NIBAN1: variants seen among roughly 807,000 people sequenced by gnomAD.
NIBAN1 encodes the protein niban apoptosis regulator 1, also known as protein Niban 1.
NIBAN1 carries 81 observed loss-of-function variants against 75.1 expected under a neutral mutation model. That is an observed-to-expected ratio of 1.08 (90% CI 0.90 to 1.30). The LOEUF is 1.30. Ranked by LOEUF, NIBAN1 falls within the 50% of genes most tolerant of loss-of-function variation. The pLI is 0.00. For missense variants in NIBAN1, 1,133 were observed against 1,128.1 expected (o/e 1.00, Z -0.06); for synonymous variants, 436 against 424.8 (o/e 1.03, Z -0.32).
intron 1 of NIBAN1, among the ~76,000 whole-genome samples, chr1:184,938,711 A>G (rs981421693): frequency 6.6e-6 from 1 of 152,250 alleles, no homozygotes; most frequent in Admixed American, 6.5e-5. Context: ...TTCTCAAGTT[A>G]AAGTGTACTT....
intron 5 of NIBAN1, among the ~76,000 whole-genome samples, chr1:184,880,678 T>C (rs1257375434): frequency 6.6e-6 from 1 of 152,256 alleles, no homozygotes; most frequent in Non-Finnish European, 1.5e-5. Flanking sequence ...GCATCGATAA[T>C]GATCATTATT....
At chr1:184,833,747 G>C (rs1484139672) in intron 5 of NIBAN1, among the ~76,000 whole-genome samples, 1 of 151,374 alleles carries the variant, frequency 6.6e-6, no homozygotes, top group Non-Finnish European at 1.5e-5. Context: ...AAACGAATAT[G>C]GAACAGTAAC....
chr1:184,868,630 C>T (rs749537668), intron 5 of NIBAN1: 2 of 152,206 alleles, frequency 1.3e-5, no homozygotes, highest in Non-Finnish European at 2.9e-5. Context: ...GATGTAGCAG[C>T]TCATGTCCCT....
chr1:184,906,086 A>T (rs562351882), intron 1 of NIBAN1, among the ~76,000 whole-genome samples: 253 of 151,896 alleles, frequency 1.7e-3, no homozygotes, highest in Non-Finnish European at 1.9e-3. Context: ...AAAAAAAATT[A>T]AAAAATTAGC....
intron 6 of NIBAN1, among the ~76,000 whole-genome samples, chr1:184,824,784 G>C (rs769198497): frequency 6.6e-6 from 1 of 151,558 alleles, no homozygotes; most frequent in East Asian, 1.9e-4. Flanking sequence ...TCATTTTTTC[G>C]GGGGGAAGGG....
At chr1:184,879,723 A>G (rs979547443) in intron 5 of NIBAN1, among the ~76,000 whole-genome samples, 16 of 152,208 alleles carry the variant, frequency 1.1e-4, no homozygotes, top group Admixed American at 9.2e-4. Context: ...TCAAAATCAA[A>G]TCTAATAAAG....
In NIBAN1 at chr1:184,794,821, A is replaced by C. The variant is rs1276672692; in HGVS notation, c.*156T>G. The C allele has an allele frequency of 3.3e-6, 3 of 916,610 alleles. No homozygotes were observed. The East Asian group carries it at 7.8e-5, about 24-fold the overall frequency. 56.8% of individuals were successfully genotyped at this position (916,610 alleles called of 1,614,324 possible). A position where few individuals can be genotyped will look rare whatever the true frequency, so the allele number is the denominator to read the frequency against. On this transcript the variant is annotated 3_prime_UTR_variant, in exon 14 of 14. Transcript: ENST00000367511. ...ATTCATGTCCACAAAGGTTTGCCTCAGTTGCTCATGCCCTGTATGCATTTC... is the reference window on the plus strand; with the variant it reads ...ATTCATGTCCACAAAGGTTTGCCTCCGTTGCTCATGCCCTGTATGCATTTC...
At chr1:184,858,903 T>C (rs1248649295) in intron 5 of NIBAN1, among the ~76,000 whole-genome samples, 1 of 151,806 alleles carries the variant, frequency 6.6e-6, no homozygotes, top group Non-Finnish European at 1.5e-5. Context: ...TGAGACCCTG[T>C]TGAGTGAAAA....
chr1:184,861,526 G>C (rs986664991), intron 5 of NIBAN1, among the ~76,000 whole-genome samples: 1 of 150,976 alleles, frequency 6.6e-6, no homozygotes. Context: ...GGGGGAAGAG[G>C]AGGGAGGAAG....
intron 9 of NIBAN1, among the ~76,000 whole-genome samples, chr1:184,813,239 T>G (rs962464681): frequency 2.6e-5 from 4 of 152,218 alleles, no homozygotes; most frequent in African/African-American, 9.6e-5. Context: ...GTGTTGTGTG[T>G]AATGTTTATA....
chr1:184,921,157 C>T (rs924768056), intron 1 of NIBAN1, among the ~76,000 whole-genome samples: 9 of 149,448 alleles, frequency 6.0e-5, no homozygotes, highest in Admixed American at 3.3e-4. Context: ...ATTAGCCGGG[C>T]GTGGTGGCAC....
chr1:184,856,097 T>C (rs960700638), intron 5 of NIBAN1, among the ~76,000 whole-genome samples: 1 of 152,232 alleles, frequency 6.6e-6, no homozygotes, highest in South Asian at 2.1e-4. Flanking sequence ...CTTATTCCCA[T>C]ATTTTTCTAG....
At chr1:184,872,575 T>C (rs1335733697) in intron 5 of NIBAN1, among the ~76,000 whole-genome samples, 4 of 151,950 alleles carry the variant, frequency 2.6e-5, no homozygotes, top group African/African-American at 7.2e-5. Flanking sequence ...GGCATGGTGG[T>C]ATACCCCTGT....
At chr1:184,879,997 C>G (rs923320750) in intron 5 of NIBAN1, among the ~76,000 whole-genome samples, 1 of 152,222 alleles carries the variant, frequency 6.6e-6, no homozygotes, top group East Asian at 1.9e-4. Context: ...TGCACACATG[C>G]TTCCCAGATA....
In NIBAN1 at chr1:184,799,989, C is replaced by G. The variant is rs1178861431; in HGVS notation, c.1555-1799G>C. ...CTCGATCTCCTGACCTCGTGATCCG[C>G]CCGCCTCGGCCTCCCAAAGTGCTGG... is the stretch of plus-strand genomic sequence containing the variant. On this transcript the variant is annotated intron_variant, in intron 12 of 13. Transcript: ENST00000367511. Among the ~76,000 whole-genome samples, 2 of 100,838 alleles carry G rather than the reference C, an allele frequency of 2.0e-5. 1 individual carries two copies. Among genetic ancestry groups the G allele is most frequent in the East Asian group, 6.9e-4 (2 of 2,918 alleles). 66.2% of individuals were successfully genotyped at this position (100,838 alleles called of 152,430 possible).
intron 1 of NIBAN1, among the ~76,000 whole-genome samples, chr1:184,965,169 G>A (rs1472109671): frequency 6.6e-6 from 1 of 152,070 alleles, no homozygotes; most frequent in African/African-American, 2.4e-5. Context: ...TGTGGTGGTG[G>A]GCGCCTGTAG....
intron 7 of NIBAN1, 45 bp downstream of exon 7, chr1:184,823,593 T>A (rs1217361908): frequency 6.3e-7 from 1 of 1,586,722 alleles, no homozygotes; most frequent in African/African-American, 1.3e-5. Flanking sequence ...GAAGAGAATG[T>A]TCCCATTTTG....
chr1:184,806,130 G>A, intron 10 of NIBAN1, 74 bp from the exon 11 acceptor site: 1 of 1,236,266 alleles, frequency 8.1e-7, no homozygotes, highest in Non-Finnish European at 1.2e-6. Context: ...CTGGCTAAGT[G>A]GGACTGCAGA....
intron 5 of NIBAN1, among the ~76,000 whole-genome samples, chr1:184,837,120 T>C (rs923489809): frequency 6.6e-6 from 1 of 152,164 alleles, no homozygotes; most frequent in Non-Finnish European, 1.5e-5. Context: ...AGAAACCAGA[T>C]TAGCAGTTAT....
Sources: allele counts gnomAD v4.1 joint callset (sites outside exome capture counted in the v4.1 genomes callset), GRCh38; gene constraint gnomAD v4.1.1; transcripts MANE v1.5; gene names NCBI Gene and HGNC (gene_info 2026-07-23, HGNC 2026-07-21).